Variants in PCDH15 observed in about 807,000 individuals in gnomAD.
PCDH15 encodes protocadherin-15.
Under a neutral mutation model 178.5 loss-of-function variants are expected in PCDH15, and 129 were observed. The ratio of observed to expected loss-of-function variants is 0.72; its 90% CI spans 0.63 to 0.84. PCDH15 has a LOEUF of 0.84. PCDH15 is among the 40% of genes least tolerant of loss of function. The pLI, the probability that PCDH15 is intolerant of heterozygous loss-of-function variation, is 0.00. For missense variants in PCDH15, 2,230 were observed against 2,099.9 expected, an observed-to-expected ratio of 1.06 and a Z score of -1.21; for synonymous variants, 800 against 732.0, an observed-to-expected ratio of 1.09 and a Z score of -1.50.
intron 9 of PCDH15, 31 bp downstream of exon 9, chr10:54,236,792 C>T: frequency 6.7e-7 from 1 of 1,496,808 alleles, no homozygotes; most frequent in Middle Eastern, 1.7e-4. Flanking sequence ...TCTAGAATAA[C>T]TGATAGTGTA....
chr10:54,714,532 C>T (rs1455752172), intron 1 of PCDH15, among the ~76,000 whole-genome samples: 1 of 152,026 alleles, frequency 6.6e-6, no homozygotes, highest in African/African-American at 2.4e-5. Flanking sequence ...AATCTAATTC[C>T]AATATAGGAA....
At chr10:54,117,239 T>C (rs2095130340) in intron 15 of PCDH15, among the ~76,000 whole-genome samples, 2 of 151,776 alleles carry the variant, frequency 1.3e-5, no homozygotes, top group South Asian at 4.2e-4. Flanking sequence ...GCACACTGGC[T>C]GCTACAAGAG....
chr10:54,060,410 G>C (rs2093989184), intron 18 of PCDH15, among the ~76,000 whole-genome samples: 1 of 152,056 alleles, frequency 6.6e-6, no homozygotes, highest in Admixed American at 6.6e-5. Context: ...AGTTCATAGT[G>C]TTGTAAAAAA....
chr10:53,823,555 GAGA>G, intron 32 of PCDH15: 2 of 694,110 alleles, frequency 2.9e-6, no homozygotes, highest in Non-Finnish European at 5.3e-6. Context: ...TTAGAGTTGT[GAGA>G]AGAATGAGAA....
chr10:54,325,656 C>A (rs1937829926), intron 7 of PCDH15, among the ~76,000 whole-genome samples: 2 of 151,804 alleles, frequency 1.3e-5, no homozygotes, highest in South Asian at 4.1e-4. Flanking sequence ...GGCTGAGGCA[C>A]GAGAATAGCT....
At chr10:55,515,076 G>A (rs1180260247) in intron 2 of PCDH15, among the ~76,000 whole-genome samples, 3 of 142,580 alleles carry the variant, frequency 2.1e-5, no homozygotes, top group Non-Finnish European at 4.5e-5. Context: ...TGCAACTTCC[G>A]CCTTCATGTT....
At chr10:55,152,954 AT>A (rs893727562) in intron 2 of PCDH15, among the ~76,000 whole-genome samples, 27 of 148,130 alleles carry the variant, frequency 1.8e-4, no homozygotes, top group East Asian at 3.9e-4. Context: ...ACCACCATGA[AT>A]TTTTTTTTTA....
chr10:54,517,513 A>G (rs938964846), intron 3 of PCDH15, among the ~76,000 whole-genome samples: 7 of 152,266 alleles, frequency 4.6e-5, no homozygotes, highest in African/African-American at 1.4e-4. Flanking sequence ...AGAGCTAACT[A>G]TCCTAAATAT....
At chr10:54,517,327 A>G (rs1224514370) in intron 3 of PCDH15, among the ~76,000 whole-genome samples, 3 of 152,194 alleles carry the variant, frequency 2.0e-5, no homozygotes, top group South Asian at 4.1e-4. Flanking sequence ...TCTCATGTGC[A>G]GAGACACACA....
intron 2 of PCDH15, among the ~76,000 whole-genome samples, chr10:55,153,954 G>T (rs1302318571): frequency 6.6e-6 from 1 of 152,134 alleles, no homozygotes; most frequent in Admixed American, 6.6e-5. Flanking sequence ...TTACAAATTG[G>T]CTTTCTCATT....
At chr10:54,218,921 C>G (rs963590358) in intron 9 of PCDH15, among the ~76,000 whole-genome samples, 16 of 151,718 alleles carry the variant, frequency 1.1e-4, no homozygotes, top group Non-Finnish European at 1.5e-4. Context: ...CACAAGAAAA[C>G]AATTTAAAAA....
chr10:55,421,032 T>G (rs987877583), intron 2 of PCDH15, among the ~76,000 whole-genome samples: 1 of 151,520 alleles, frequency 6.6e-6, no homozygotes, highest in Non-Finnish European at 1.5e-5. Context: ...GAGCTAAAAA[T>G]GAATTACAGA....
intron 3 of PCDH15, among the ~76,000 whole-genome samples, chr10:54,823,070 C>T (rs144690843): frequency 0.017 from 2,579 of 151,884 alleles, 37 homozygotes; most frequent in Middle Eastern, 0.027. Context: ...TTACTAGAGA[C>T]GGGGTTTCAC....
At chr10:54,170,115 C>T (rs940115986) in intron 13 of PCDH15, among the ~76,000 whole-genome samples, 17 of 115,418 alleles carry the variant, frequency 1.5e-4, no homozygotes, top group African/African-American at 6.5e-4. Flanking sequence ...GGCTGTACTG[C>T]CACAAAGCTT....
At chr10:54,058,690 CTTTCTTTCTT>C (rs1389835103) in intron 18 of PCDH15, among the ~76,000 whole-genome samples, 6 of 82,890 alleles carry the variant, frequency 7.2e-5, no homozygotes, top group Non-Finnish European at 1.4e-4. Context: ...TTCTTTCTTT[CTTTCTTTCTT>C]TTTTTTTTTT....
chr10:55,461,455 C>T (rs755571369), intron 2 of PCDH15, among the ~76,000 whole-genome samples: 1 of 152,104 alleles, frequency 6.6e-6, no homozygotes, highest in South Asian at 2.1e-4. Context: ...TTGCTTAAAT[C>T]TAAATTCAAT....
At chr10:55,345,446 A>G (rs577469382) in intron 2 of PCDH15, among the ~76,000 whole-genome samples, 14 of 152,130 alleles carry the variant, frequency 9.2e-5, no homozygotes, top group African/African-American at 3.4e-4. Context: ...TACTGTGAGA[A>G]TAACTATATA....
At chr10:55,226,652 G>C (rs1841053841) in intron 1 of PCDH15, among the ~76,000 whole-genome samples, 1 of 152,114 alleles carries the variant, frequency 6.6e-6, no homozygotes, top group African/African-American at 2.4e-5. Context: ...AAAGTGCTGA[G>C]ATTACAGGCG....
chr10:55,055,808 C>T (rs1181664902), intron 2 of PCDH15, among the ~76,000 whole-genome samples: 1 of 151,192 alleles, frequency 6.6e-6, no homozygotes, highest in Non-Finnish European at 1.5e-5. Flanking sequence ...GCCCCTGTCT[C>T]AAAAATCAAT....
Sources: allele counts gnomAD v4.1 joint callset (sites outside exome capture counted in the v4.1 genomes callset), GRCh38; gene constraint gnomAD v4.1.1; transcripts MANE v1.5; gene names NCBI Gene and HGNC (gene_info 2026-07-23, HGNC 2026-07-21).